The following OXR1 variants were observed in gnomAD, a reference collection of about 807,000 sequenced individuals.
OXR1 encodes oxidation resistance 1.
OXR1 carries 41 observed loss-of-function variants against 104.6 expected under a neutral mutation model. The ratio of observed to expected loss-of-function variants is 0.39; its 90% CI spans 0.31 to 0.51. The LOEUF is 0.51. OXR1 is among the 20% of genes least tolerant of loss of function. The pLI is 0.77. For synonymous variants in OXR1, 348 were observed against 348.4 expected (o/e 1.00, Z 0.01); for missense variants, 955 against 1,031.9 (o/e 0.93, Z 1.02).
At chr8:106,678,703 C>T (rs1160570481) in intron 3 of OXR1, among the ~76,000 whole-genome samples, 1 of 151,774 alleles carries the variant, frequency 6.6e-6, no homozygotes, top group Non-Finnish European at 1.5e-5. Flanking sequence ...GAAAGCACAC[C>T]TTGATTTACT....
At chr8:106,386,569 A>G (rs1243491134) in intron 2 of OXR1, among the ~76,000 whole-genome samples, 2 of 152,204 alleles carry the variant, frequency 1.3e-5, no homozygotes, top group Non-Finnish European at 2.9e-5. Flanking sequence ...TCAATTCTGG[A>G]AAAGCAATAA....
intron 2 of OXR1, among the ~76,000 whole-genome samples, chr8:106,376,107 T>G (rs1476340967): frequency 6.6e-6 from 1 of 152,222 alleles, no homozygotes; most frequent in Non-Finnish European, 1.5e-5. Flanking sequence ...CCTCAGTCTC[T>G]GTATACCGAC....
At chr8:106,344,685 C>T (rs998657075) in intron 1 of OXR1, among the ~76,000 whole-genome samples, 3 of 152,144 alleles carry the variant, frequency 2.0e-5, no homozygotes, top group Admixed American at 1.3e-4. Context: ...CATAGGATTC[C>T]GGCCTTTCTC....
chr8:106,306,526 A>AT (rs1300729226), intron 1 of OXR1, among the ~76,000 whole-genome samples: 1 of 152,104 alleles, frequency 6.6e-6, no homozygotes, highest in East Asian at 1.9e-4. Flanking sequence ...AAACTAAAAA[A>AT]AAAAAATCCC....
At chr8:106,638,699 C>G (rs1466032167) in intron 3 of OXR1, among the ~76,000 whole-genome samples, 1 of 152,112 alleles carries the variant, frequency 6.6e-6, no homozygotes, top group East Asian at 1.9e-4. Context: ...TCAGGACTAG[C>G]CTGGCCAACA....
At chr8:106,471,102 G>A (rs894229841) in intron 2 of OXR1, among the ~76,000 whole-genome samples, 26 of 151,822 alleles carry the variant, frequency 1.7e-4, no homozygotes, top group African/African-American at 6.0e-4. Context: ...AGTGGCTGGG[G>A]AAGTGGGATC....
intron 2 of OXR1, among the ~76,000 whole-genome samples, chr8:106,386,526 C>T (rs1454007967): frequency 6.6e-6 from 1 of 152,138 alleles, no homozygotes; most frequent in African/African-American, 2.4e-5. Context: ...TTAAGGAGAG[C>T]CCAAATGAAC....
chr8:106,666,445 A>C (rs1230269658), intron 3 of OXR1, among the ~76,000 whole-genome samples: 1 of 152,224 alleles, frequency 6.6e-6, no homozygotes, highest in African/African-American at 2.4e-5. Context: ...ACTAGTGTTA[A>C]AGGAAAAATT....
chr8:106,667,114 A>G (rs776178144), intron 3 of OXR1, among the ~76,000 whole-genome samples: 34 of 152,330 alleles, frequency 2.2e-4, no homozygotes, highest in Admixed American at 7.8e-4. Flanking sequence ...ATTGATAGCA[A>G]TGAGTCCCAA....
intron 2 of OXR1, among the ~76,000 whole-genome samples, chr8:106,401,070 C>G (rs1817979375): frequency 6.6e-6 from 1 of 152,020 alleles, no homozygotes; most frequent in Non-Finnish European, 1.5e-5. Flanking sequence ...ATTTCTTTAT[C>G]ACCAATTTTT....
intron 11 of OXR1, among the ~76,000 whole-genome samples, chr8:106,714,263 T>G (rs536372544): frequency 4.6e-5 from 7 of 152,166 alleles, no homozygotes; most frequent in African/African-American, 1.7e-4. Context: ...TAGGAAAGAT[T>G]AACATTATGG....
At chr8:106,471,795 G>A (rs774247710) in intron 2 of OXR1, among the ~76,000 whole-genome samples, 35 of 151,848 alleles carry the variant, frequency 2.3e-4, no homozygotes, top group African/African-American at 4.3e-4. Context: ...TTCACGCTAC[G>A]TGCTTTTTTT....
At chr8:106,545,260 G>T (rs1215058858) in intron 3 of OXR1, among the ~76,000 whole-genome samples, 1 of 152,168 alleles carries the variant, frequency 6.6e-6, no homozygotes, top group African/African-American at 2.4e-5. Context: ...AGATAAAAAT[G>T]ATTATTTTAG....
At chr8:106,668,782 TCA>T (rs1826618331) in intron 3 of OXR1, among the ~76,000 whole-genome samples, 1 of 152,232 alleles carries the variant, frequency 6.6e-6, no homozygotes, top group Non-Finnish European at 1.5e-5. Context: ...GTGTTAACTG[TCA>T]CAAATATGAA....
chr8:106,416,231 G>A (rs1818673522), intron 2 of OXR1, among the ~76,000 whole-genome samples: 1 of 152,116 alleles, frequency 6.6e-6, no homozygotes, highest in Admixed American at 6.6e-5. Flanking sequence ...GTGTAAGAGA[G>A]AATCATGGGA....
chr8:106,706,502 T>G lies in OXR1; in HGVS notation c.981T>G (p.Pro327=), dbSNP rs762829380. 2 of 1,605,832 alleles carry G rather than the reference T, an allele frequency of 1.2e-6. No homozygotes were observed. The highest frequency in any genetic ancestry group is 2.2e-5 in the South Asian group (2 of 89,224). The change falls in exon 9 of 17, where the codon CCT becomes CCG. Residue 327 remains proline (P), a synonymous_variant. Transcript: ENST00000517566. ...DAGNDSASTA[P]RSTEESLSED... ...GTAATGATAGTGCCAGCACTGCTCC[T>G]AGGAGCACTGAGGAGTCTCTTTCTG...
chr8:106,466,279 ATAT>A (rs1466269891), intron 2 of OXR1, among the ~76,000 whole-genome samples: 1 of 151,948 alleles, frequency 6.6e-6, no homozygotes. Context: ...ATTTTAGAAA[ATAT>A]TATAGAAGTA....
intron 1 of OXR1, among the ~76,000 whole-genome samples, chr8:106,303,894 T>C (rs1813368924): frequency 6.6e-6 from 1 of 152,224 alleles, no homozygotes; most frequent in African/African-American, 2.4e-5. Flanking sequence ...AAGACATCAT[T>C]ATTCACTTCT....
intron 11 of OXR1, among the ~76,000 whole-genome samples, chr8:106,714,950 CA>C (rs1319325957): frequency 6.6e-6 from 1 of 151,884 alleles, no homozygotes; most frequent in Non-Finnish European, 1.5e-5. Flanking sequence ...ACTGTGACTC[CA>C]ATATAAGGGA....
Sources: allele counts gnomAD v4.1 joint callset (sites outside exome capture counted in the v4.1 genomes callset), GRCh38; gene constraint gnomAD v4.1.1; transcripts MANE v1.5; gene names NCBI Gene and HGNC (gene_info 2026-07-23, HGNC 2026-07-21).